The following FNDC3B variants were observed in gnomAD, a reference collection of about 807,000 sequenced individuals.
FNDC3B encodes the protein fibronectin type III domain-containing protein 3B.
Under a neutral mutation model 151.5 loss-of-function variants are expected in FNDC3B, and 12 were observed. That is an observed-to-expected ratio of 0.08 (90% CI 0.05 to 0.13). The LOEUF is 0.13. Ranked by LOEUF, FNDC3B falls within the 10% of genes least tolerant of loss-of-function variation. The probability of loss-of-function intolerance (pLI) is 1.00; values close to 1 mark genes in which losing one functional copy is unlikely to be tolerated. For missense variants in FNDC3B, 1,214 were observed against 1,505.3 expected (o/e 0.81, Z 3.20); for synonymous variants, 528 against 549.0 (o/e 0.96, Z 0.54).
chr3:172,320,995 TA>T (rs1373802888), intron 11 of FNDC3B, among the ~76,000 whole-genome samples: 1 of 152,256 alleles, frequency 6.6e-6, no homozygotes, highest in Non-Finnish European at 1.5e-5. Flanking sequence ...CTCTAAATAT[TA>T]GTTGCATTTT....
chr3:172,209,994 C>T (rs1483100628), intron 3 of FNDC3B, among the ~76,000 whole-genome samples: 2 of 152,238 alleles, frequency 1.3e-5, no homozygotes, highest in African/African-American at 2.4e-5. Flanking sequence ...AACTGTTTTC[C>T]GACTGGAGTG....
At chr3:172,331,511 C>T (rs1198852338) in intron 13 of FNDC3B, among the ~76,000 whole-genome samples, 6 of 152,152 alleles carry the variant, frequency 3.9e-5, no homozygotes, top group African/African-American at 1.4e-4. Context: ...GCGCCCGCCA[C>T]CACACCCGGC....
At chr3:172,363,969 G>A (rs1030345216) in intron 23 of FNDC3B, among the ~76,000 whole-genome samples, 5 of 152,234 alleles carry the variant, frequency 3.3e-5, no homozygotes, top group African/African-American at 1.2e-4. Context: ...TTTCTTGAAA[G>A]AGGTGACATT....
At chr3:172,265,101 A>T (rs1233527996) in intron 6 of FNDC3B, among the ~76,000 whole-genome samples, 2 of 152,212 alleles carry the variant, frequency 1.3e-5, no homozygotes, top group African/African-American at 4.8e-5. Flanking sequence ...AATTATCTCT[A>T]GGGTTCATTT....
intron 23 of FNDC3B, among the ~76,000 whole-genome samples, chr3:172,375,702 A>T (rs1002900582): frequency 6.6e-5 from 10 of 152,122 alleles, no homozygotes; most frequent in African/African-American, 1.2e-4. Context: ...ATGATTTATT[A>T]TTGCCGGAGT....
At chr3:172,075,358 G>A (rs144402682) in intron 1 of FNDC3B, among the ~76,000 whole-genome samples, 106 of 152,202 alleles carry the variant, frequency 7.0e-4, no homozygotes, top group African/African-American at 2.4e-3. Flanking sequence ...GCCTCTGCCC[G>A]CCAGTTTGGT....
At chr3:172,265,156 T>C (rs965401970) in intron 6 of FNDC3B, among the ~76,000 whole-genome samples, 19 of 152,254 alleles carry the variant, frequency 1.2e-4, no homozygotes, top group African/African-American at 4.1e-4. Context: ...GAAACTACTA[T>C]TTCTATAGAT....
intron 1 of FNDC3B, among the ~76,000 whole-genome samples, chr3:172,067,100 G>A (rs528166964): frequency 1.3e-5 from 2 of 152,134 alleles, no homozygotes; most frequent in Non-Finnish European, 2.9e-5. Flanking sequence ...ATAAGACTTG[G>A]TCCGCAGTCT....
intron 3 of FNDC3B, among the ~76,000 whole-genome samples, chr3:172,163,930 G>T (rs1276982260): frequency 6.6e-6 from 1 of 152,190 alleles, no homozygotes; most frequent in Non-Finnish European, 1.5e-5. Flanking sequence ...TAGCAGTTTT[G>T]ACAGTCTGTT....
chr3:172,317,189 CT>C (rs562405291), intron 11 of FNDC3B: 28,712 of 324,270 alleles, frequency 0.089, no homozygotes, highest in South Asian at 0.14. Flanking sequence ...TTCTTTTTTT[CT>C]TTTTTTTTTT....
intron 22 of FNDC3B, among the ~76,000 whole-genome samples, chr3:172,359,130 T>C (rs1004416858): frequency 6.6e-6 from 1 of 152,024 alleles, no homozygotes; most frequent in Non-Finnish European, 1.5e-5. Context: ...CTTACCAAAA[T>C]ACTAGGGAGG....
intron 3 of FNDC3B, among the ~76,000 whole-genome samples, chr3:172,176,345 C>G (rs1275187686): frequency 6.6e-6 from 1 of 152,176 alleles, no homozygotes; most frequent in Non-Finnish European, 1.5e-5. Context: ...CAAGAGGACA[C>G]AAGAATTCTG....
chr3:172,147,761 C>T (rs1721992099), intron 3 of FNDC3B, among the ~76,000 whole-genome samples: 1 of 151,988 alleles, frequency 6.6e-6, no homozygotes, highest in Non-Finnish European at 1.5e-5. Context: ...TTCTGAGACT[C>T]ATGGAGGTGG....
At chr3:172,288,287 C>T (rs1009834476) in intron 7 of FNDC3B, among the ~76,000 whole-genome samples, 18 of 152,148 alleles carry the variant, frequency 1.2e-4, no homozygotes, top group African/African-American at 3.6e-4. Context: ...TCTGGAATAC[C>T]GGCTAGATTG....
chr3:172,373,714 C>A (rs1734990704), intron 23 of FNDC3B, among the ~76,000 whole-genome samples: 1 of 152,166 alleles, frequency 6.6e-6, no homozygotes, highest in South Asian at 2.1e-4. Context: ...GTGGTTCTAG[C>A]CACAGGGGTG....
intron 25 of FNDC3B, among the ~76,000 whole-genome samples, chr3:172,385,298 G>T (rs1735648568): frequency 6.6e-6 from 1 of 152,146 alleles, no homozygotes; most frequent in African/African-American, 2.4e-5. Flanking sequence ...CACCACAGCG[G>T]AGCTACAGGC....
intron 1 of FNDC3B, among the ~76,000 whole-genome samples, chr3:172,103,797 C>T (rs1390952278): frequency 6.6e-6 from 1 of 152,186 alleles, no homozygotes; most frequent in Non-Finnish European, 1.5e-5. Context: ...TTTCAGACAA[C>T]TGTGATTTTA....
chr3:172,172,822 A>AAGGG (rs373950252), intron 3 of FNDC3B, among the ~76,000 whole-genome samples: 21 of 47,114 alleles, frequency 4.5e-4, no homozygotes, highest in African/African-American at 1.1e-3. Flanking sequence ...ATTTAAATAT[A>AAGGG]AGGGACCTAT....
At chr3:172,164,465 T>G (rs1364094917) in intron 3 of FNDC3B, among the ~76,000 whole-genome samples, 2 of 152,200 alleles carry the variant, frequency 1.3e-5, no homozygotes, top group Non-Finnish European at 2.9e-5. Context: ...AGTGTACATG[T>G]GGGCCAAAGT....
Sources: gnomAD v4.1 joint callset for allele counts (sites outside exome capture counted in the v4.1 genomes callset) on GRCh38, gnomAD v4.1.1 for gene constraint, MANE v1.5 for transcripts, NCBI Gene and HGNC (gene_info 2026-07-23, HGNC 2026-07-21) for gene names.